INTS7: variants seen among roughly 807,000 people sequenced by gnomAD.
The protein encoded by INTS7 is chromosome 1 open reading frame 73.
Under a neutral mutation model 109.2 loss-of-function variants are expected in INTS7, and 46 were observed. The observed-to-expected ratio is 0.42, with a 90% CI of 0.33 to 0.54. The LOEUF is 0.54. Ranked by LOEUF, INTS7 falls within the 20% of genes least tolerant of loss-of-function variation. The pLI is 0.07. For missense variants in INTS7, 929 were observed against 1,132.4 expected, an observed-to-expected ratio of 0.82 and a Z score of 2.58; for synonymous variants, 412 against 402.9, an observed-to-expected ratio of 1.02 and a Z score of -0.27.
chr1:211,966,589 G>T (rs1663891098), intron 15 of INTS7, 91 bp from the exon 16 acceptor site: 1 of 768,792 alleles, frequency 1.3e-6, no homozygotes, highest in African/African-American at 1.7e-5. Flanking sequence ...AAGATTTAAT[G>T]ATTGCCTAGT....
intron 3 of INTS7, among the ~76,000 whole-genome samples, chr1:212,019,119 C>T (rs932528115): frequency 1.3e-5 from 2 of 152,006 alleles, no homozygotes; most frequent in African/African-American, 2.4e-5. Context: ...AGTGTGGTGG[C>T]GGGCACCTAC....
chr1:211,992,322 AAATGAT>A (rs1282531581), intron 7 of INTS7, among the ~76,000 whole-genome samples: 2 of 152,122 alleles, frequency 1.3e-5, no homozygotes, highest in Admixed American at 6.5e-5. Context: ...ATTTTATATA[AAATGAT>A]AATATTAATA....
At chr1:211,958,076 A>C (rs975231956) in intron 16 of INTS7, among the ~76,000 whole-genome samples, 9 of 151,654 alleles carry the variant, frequency 5.9e-5, no homozygotes, top group African/African-American at 1.9e-4. Context: ...AAATTAAAAA[A>C]AAAAACAAAA....
intron 16 of INTS7, among the ~76,000 whole-genome samples, chr1:211,954,834 G>T (rs1339494449): frequency 6.6e-6 from 1 of 152,224 alleles, no homozygotes; most frequent in East Asian, 1.9e-4. Context: ...GTAGTGTGAT[G>T]CCTCCGGCTT....
chr1:211,994,261 C>G (rs954005292), intron 7 of INTS7, among the ~76,000 whole-genome samples: 1 of 152,024 alleles, frequency 6.6e-6, no homozygotes, highest in Non-Finnish European at 1.5e-5. Context: ...AAAATCAACA[C>G]CTTATTACTT....
intron 7 of INTS7, among the ~76,000 whole-genome samples, chr1:211,991,555 A>G (rs898616733): frequency 6.6e-6 from 1 of 152,260 alleles, no homozygotes; most frequent in African/African-American, 2.4e-5. Flanking sequence ...TGACCACATG[A>G]ATGTGTTGGC....
intron 7 of INTS7, among the ~76,000 whole-genome samples, chr1:211,994,503 A>C (rs1558044012): frequency 6.7e-6 from 1 of 149,546 alleles, no homozygotes; most frequent in Non-Finnish European, 1.5e-5. Flanking sequence ...AGCTCACTGC[A>C]ACCTCTGCGT....
intron 7 of INTS7, among the ~76,000 whole-genome samples, chr1:212,002,216 A>G (rs1465072855): frequency 1.3e-5 from 2 of 152,164 alleles, no homozygotes; most frequent in Non-Finnish European, 2.9e-5. Flanking sequence ...TATCCAAACT[A>G]TTACCACTTC....
intron 16 of INTS7, among the ~76,000 whole-genome samples, chr1:211,953,348 T>C (rs576016798): frequency 2.4e-4 from 37 of 152,308 alleles, no homozygotes; most frequent in African/African-American, 7.0e-4. Context: ...TCTGAAAACA[T>C]TTCTAAGTGA....
chr1:211,952,195 G>C (rs545054353), intron 17 of INTS7, among the ~76,000 whole-genome samples: 5 of 152,170 alleles, frequency 3.3e-5, no homozygotes, highest in African/African-American at 4.8e-5. Context: ...GAGTTAGCTG[G>C]TCAGGGGTGA....
rs1000125620 is a variant in INTS7 at position 211,940,826 on chromosome 1, G to A, written c.*998C>T. The stretch of plus-strand genomic sequence containing the variant: ...TCCACCCCTTCTAACTTAAAACATT[G>A]AAGATATTAAATGAGTGTTCTTCAC... On this transcript the variant is annotated 3_prime_UTR_variant, in exon 20 of 20. Coordinates refer to ENST00000366994, the MANE Select transcript of INTS7 (RefSeq NM_015434.4). The A allele has an allele frequency of 6.6e-6, 1 of 152,110 alleles. No individual in the cohort carries two copies. Among genetic ancestry groups the A allele is most frequent in the African/African-American group, 2.4e-5 (1 of 41,424 alleles). The allele number at this position is 152,110 out of a possible 1,614,324, so 9.4% of individuals were successfully genotyped here.
chr1:211,954,823 G>A (rs1663288594), intron 16 of INTS7, among the ~76,000 whole-genome samples: 1 of 152,234 alleles, frequency 6.6e-6, no homozygotes, highest in Non-Finnish European at 1.5e-5. Context: ...TTTGAAGTCA[G>A]GTAGTGTGAT....
intron 7 of INTS7, 59 bp from the exon 8 acceptor site, chr1:211,988,062 T>C: frequency 1.3e-6 from 1 of 798,994 alleles, no homozygotes; most frequent in Non-Finnish European, 2.0e-6. Context: ...TTCTAAACTG[T>C]CTACTCCATT....
chr1:211,976,626 T>C lies in INTS7; in HGVS notation c.1564A>G (p.Asn522Asp), dbSNP rs1435831647. The change falls in exon 12 of 20, where the codon AAT becomes GAT. Residue 522 changes from asparagine (N) to aspartate (D), a missense_variant. Physicochemically the swap from Asn to Asp is conservative, Grantham distance 23. Around this residue, in one of 2 missense-constraint regions of INTS7, gnomAD observed 787 missense variants for 901.1 expected, o/e 0.87. Transcript: ENST00000366994. ...VIKQQLESVS[N>D]GWTVYRIARQ... ...GCAATACGGTATACAGTCCATCCAT[T>C]GGAGACACTTTCAAGCTGCTGCTTA... 6.2e-7 allele frequency: 1 copy of C among 1,613,910 alleles called. No individual in the cohort carries two copies. The highest frequency in any genetic ancestry group is 8.5e-7 in the Non-Finnish European group (1 of 1,179,914).
intron 7 of INTS7, among the ~76,000 whole-genome samples, chr1:211,999,509 C>G (rs1665567146): frequency 6.6e-6 from 1 of 152,140 alleles, no homozygotes; most frequent in South Asian, 2.1e-4. Flanking sequence ...TGAAAATGTT[C>G]TGTATCTCAA....
chr1:211,952,152 T>A (rs147521496), intron 17 of INTS7, among the ~76,000 whole-genome samples: 9 of 152,334 alleles, frequency 5.9e-5, no homozygotes, highest in Non-Finnish European at 1.0e-4. Context: ...TGTGTAAAAC[T>A]ACTAATGCCT....
In INTS7 at chr1:211,942,749, G is replaced by A. The variant is rs1662692057; in HGVS notation, c.2602-638C>T. Among the ~76,000 whole-genome samples, 1 of 152,032 alleles carries A rather than the reference G, an allele frequency of 6.6e-6. No individual in the cohort carries two copies. Among genetic ancestry groups the A allele is most frequent in the Non-Finnish European group, 1.5e-5 (1 of 67,980 alleles). ...TATGTTATAAAACACAGATTTATAGGCTCATTCATTTAGCCAGACACTCAT... is the reference window on the plus strand; with the variant it reads ...TATGTTATAAAACACAGATTTATAGACTCATTCATTTAGCCAGACACTCAT... On this transcript the variant is annotated intron_variant, in intron 19 of 19. Coordinates refer to ENST00000366994, the MANE Select transcript of INTS7 (RefSeq NM_015434.4). The surrounding 1 kb of genome is among the most constrained non-coding windows in gnomAD (Gnocchi z 4.2).
chr1:211,987,932 T>C lies in INTS7; in HGVS notation c.951A>G (p.Thr317=). The change falls in exon 8 of 20, where the codon ACA becomes ACG. Residue 317 remains threonine (T), a synonymous_variant. Transcript: ENST00000366994. ...GTTTGATGGCGATGGTCCCTGATAG[T>C]GTGGAAAGGACAGACAACATCCCTA... ...LKLGMLSVLS[T]LSGTIAIKHY... is the part of the protein sequence containing the mutation. The C allele has an allele frequency of 6.2e-7, 1 of 1,612,348 alleles. No individual in the cohort carries two copies. The highest frequency in any genetic ancestry group is 8.5e-7 in the Non-Finnish European group (1 of 1,178,570).
intron 1 of INTS7, among the ~76,000 whole-genome samples, chr1:212,022,679 A>G (rs1666759270): frequency 6.6e-6 from 1 of 152,136 alleles, no homozygotes; most frequent in Non-Finnish European, 1.5e-5. Context: ...TAACTCTCAT[A>G]CCTTGTTAGT....
Sources: gnomAD v4.1 joint callset for allele counts (sites outside exome capture counted in the v4.1 genomes callset) on GRCh38, gnomAD v4.1.1 for gene constraint, gnomAD v4.1.1 regional missense constraint, Gnocchi (gnomAD v3.1) non-coding constraint, MANE v1.5 for transcripts, NCBI Gene and HGNC (gene_info 2026-07-23, HGNC 2026-07-21) for gene names.